Variants in MAP3K3 observed in about 807,000 individuals in gnomAD.
MAP3K3 encodes MAP/ERK kinase kinase 3.
In MAP3K3, 12 loss-of-function variants were observed where a neutral mutation model predicts 80.9. That is an observed-to-expected ratio of 0.15 (90% CI 0.10 to 0.24). The LOEUF is 0.24. Ranked by LOEUF, MAP3K3 falls within the 10% of genes least tolerant of loss-of-function variation. MAP3K3 has a pLI of 1.00. For missense variants in MAP3K3, 596 were observed against 834.7 expected (o/e 0.71, Z 3.52); for synonymous variants, 272 against 307.1 (o/e 0.89, Z 1.19).
chr17:63,646,139 T>TC, intron 3 of MAP3K3, 65 bp downstream of exon 3: 4 of 1,408,476 alleles, frequency 2.8e-6, no homozygotes, highest in Non-Finnish European at 4.0e-6. Context: ...AGCATTGAGT[T>TC]CATGGAAGTC....
chr17:63,680,393 A>G (rs1033944980), intron 6 of MAP3K3, among the ~76,000 whole-genome samples: 2 of 152,218 alleles, frequency 1.3e-5, no homozygotes, highest in African/African-American at 4.8e-5. Context: ...TCTTACGTTT[A>G]AGTTTTGAAG....
At chr17:63,686,964 C>T (rs867029646) in intron 8 of MAP3K3, among the ~76,000 whole-genome samples, 3 of 152,146 alleles carry the variant, frequency 2.0e-5, no homozygotes, top group South Asian at 2.1e-4. Context: ...TTTAACCTCT[C>T]TATTCCTGAA....
chr17:63,690,981 C>T, intron 12 of MAP3K3, 121 bp from the exon 13 acceptor site: 1 of 1,209,006 alleles, frequency 8.3e-7, no homozygotes. Flanking sequence ...TCCCCCTTTT[C>T]TCCAACTGCA....
rs755427746 is a variant in MAP3K3, at chr17:63,632,820, A to C, written c.126+18A>C. ...ATAGGCAGGTGTGTGTGACCCTGGC[A>C]GAGCTAAGTGAGATTTGTTGGGGAG... On this transcript the variant is annotated intron_variant, in intron 2 of 15. Coordinates refer to ENST00000361733, the MANE Select transcript of MAP3K3 (RefSeq NM_002401.5). 1 of 1,613,794 alleles carries C rather than the reference A, an allele frequency of 6.2e-7. No homozygotes were observed. Among genetic ancestry groups the C allele is most frequent in the South Asian group, 1.1e-5 (1 of 91,058 alleles).
intron 9 of MAP3K3, 32 bp downstream of exon 9, chr17:63,688,626 A>G: frequency 6.2e-7 from 1 of 1,602,176 alleles, no homozygotes; most frequent in Non-Finnish European, 8.6e-7. Context: ...TGGGTAATGC[A>G]GGGTGTCTGG....
intron 12 of MAP3K3, chr17:63,690,873 G>A: frequency 1.8e-6 from 1 of 569,628 alleles, no homozygotes. Context: ...AGCACCCACG[G>A]CCCCTTCTCC....
At chr17:63,622,941 G>T (rs979842923) in intron 1 of MAP3K3, among the ~76,000 whole-genome samples, 178 bp downstream of exon 1, 4 of 146,450 alleles carry the variant, frequency 2.7e-5, no homozygotes, top group African/African-American at 9.8e-5. Context: ...GCCCGGGCGG[G>T]GGTTCTGGCT....
Position 63,623,721 on chromosome 17 carries a change from C to T in MAP3K3, c.4+958C>T, listed in dbSNP as rs147284232. ...TTTTAAACGTTCTTTACTTCTCCTG[C>T]CCAGACAGGTGTTGTGATACTGTTG... On this transcript the variant is annotated intron_variant, in intron 1 of 15. Coordinates refer to ENST00000361733, the MANE Select transcript of MAP3K3 (RefSeq NM_002401.5). 2.9e-3 allele frequency among the ~76,000 whole-genome samples: 446 copies of T among 152,282 alleles called. 2 individuals carry two copies. The highest frequency in any genetic ancestry group is 0.01 in the Middle Eastern group (3 of 294).
At chr17:63,639,374 C>G (rs1267562138) in intron 2 of MAP3K3, among the ~76,000 whole-genome samples, 2 of 152,156 alleles carry the variant, frequency 1.3e-5, no homozygotes, top group Non-Finnish European at 2.9e-5. Context: ...GAGCTTTGAT[C>G]TGGCTTTAAA....
At position 63,664,554 on chromosome 17, in the gene MAP3K3, T is replaced by C. The variant is rs187307597; in HGVS notation, c.382-2386T>C. Among the ~76,000 whole-genome samples, 81 of 152,324 alleles carry C rather than the reference T, an allele frequency of 5.3e-4. 1 individual carries two copies. Among genetic ancestry groups the C allele is most frequent in the Admixed American group, 5.3e-3 (81 of 15,298 alleles). ...ATTGAGATAATTTGTGGGTGGACTTTTGTAACTTATTTTTCTACTGATCTC... is the reference window on the plus strand; with the variant it reads ...ATTGAGATAATTTGTGGGTGGACTTCTGTAACTTATTTTTCTACTGATCTC... On this transcript the variant is annotated intron_variant, in intron 5 of 15. Coordinates refer to ENST00000361733, the MANE Select transcript of MAP3K3 (RefSeq NM_002401.5).
chr17:63,652,450 C>G, intron 3 of MAP3K3, 107 bp from the exon 4 acceptor site: 1 of 729,792 alleles, frequency 1.4e-6, no homozygotes, highest in South Asian at 1.8e-5. Context: ...TGAAAGAAAA[C>G]AGAATCCTAT....
intron 1 of MAP3K3, among the ~76,000 whole-genome samples, chr17:63,630,955 C>T (rs755005880): frequency 1.2e-4 from 19 of 152,032 alleles, no homozygotes; most frequent in Non-Finnish European, 2.5e-4. Context: ...GCATATAGGG[C>T]ACCAGAGCAG....
rs755968583 is a variant in MAP3K3 at position 63,691,309 on chromosome 17, G to T, written c.1344+76G>T. The T allele has an allele frequency of 8.0e-5, 127 of 1,595,096 alleles. No individual in the cohort carries two copies. The highest frequency in any genetic ancestry group is 1.1e-4 in the Non-Finnish European group (124 of 1,167,490). On this transcript the variant is annotated intron_variant, in intron 13 of 15. Coordinates refer to ENST00000361733, the MANE Select transcript of MAP3K3 (RefSeq NM_002401.5). The surrounding 1 kb of genome is among the most constrained non-coding windows in gnomAD (Gnocchi z 4.8). ...TGGGGGCTGGGGCCTGCAGGAGGGG[G>T]GTCACCTTGGATAGGAGTTTGAACA...
intron 5 of MAP3K3, among the ~76,000 whole-genome samples, chr17:63,658,809 A>C (rs2034825594): frequency 6.8e-6 from 1 of 147,708 alleles, no homozygotes; most frequent in Admixed American, 6.9e-5. Context: ...ATCTTAGCTC[A>C]CTGCAGCCTC....
intron 7 of MAP3K3, among the ~76,000 whole-genome samples, chr17:63,683,487 C>A: frequency 6.6e-6 from 1 of 152,172 alleles, no homozygotes; most frequent in South Asian, 2.1e-4. Context: ...TACTCTGCCC[C>A]CTTCACTTTT....
chr17:63,683,050 A>G (rs1017189584), intron 7 of MAP3K3, among the ~76,000 whole-genome samples: 11 of 152,226 alleles, frequency 7.2e-5, no homozygotes, highest in African/African-American at 2.7e-4. Context: ...GGTCTTTTCA[A>G]TAAACTTGCT....
intron 3 of MAP3K3, among the ~76,000 whole-genome samples, chr17:63,648,377 C>T (rs146793204): frequency 6.6e-6 from 1 of 152,150 alleles, no homozygotes; most frequent in Non-Finnish European, 1.5e-5. Flanking sequence ...GTTGCTGAGG[C>T]CTTGAAGAAG....
chr17:63,668,035 T>C (rs1401212320), intron 6 of MAP3K3: 1 of 152,184 alleles, frequency 6.6e-6, no homozygotes, highest in Non-Finnish European at 1.5e-5. Context: ...TTGTGGAACT[T>C]GTATCAAAAG....
chr17:63,653,978 C>A (rs1228042109), intron 4 of MAP3K3, among the ~76,000 whole-genome samples: 1 of 152,128 alleles, frequency 6.6e-6, no homozygotes, highest in African/African-American at 2.4e-5. Flanking sequence ...GCGATTCCCC[C>A]ACCTCAGCCA....
Sources: allele counts gnomAD v4.1 joint callset (sites outside exome capture counted in the v4.1 genomes callset), GRCh38; gene constraint gnomAD v4.1.1; non-coding constraint Gnocchi (gnomAD v3.1); transcripts MANE v1.5; gene names NCBI Gene and HGNC (gene_info 2026-07-23, HGNC 2026-07-21).